DOP1B: variants seen among roughly 807,000 people sequenced by gnomAD.
DOP1B encodes the protein protein DOP1B.
Under a neutral mutation model 233.5 loss-of-function variants are expected in DOP1B, and 174 were observed. The ratio of observed to expected loss-of-function variants is 0.75; its 90% CI spans 0.66 to 0.85. DOP1B has a LOEUF of 0.85. Ranked by LOEUF, DOP1B falls within the 40% of genes least tolerant of loss-of-function variation. The probability of loss-of-function intolerance (pLI) is 0.00; values close to 1 mark genes in which losing one functional copy is unlikely to be tolerated. For missense variants in DOP1B, 2,652 were observed against 2,846.6 expected (o/e 0.93, Z 1.56); for synonymous variants, 1,190 against 1,185.6 (o/e 1.00, Z -0.08).
intron 4 of DOP1B, among the ~76,000 whole-genome samples, chr21:36,201,004 A>C (rs976542484): frequency 2.6e-5 from 4 of 152,032 alleles, no homozygotes; most frequent in Non-Finnish European, 4.4e-5. Flanking sequence ...GAGCCCGGAG[A>C]GATGAGATCC....
intron 26 of DOP1B, among the ~76,000 whole-genome samples, chr21:36,266,375 C>A (rs1419583996): frequency 1.3e-5 from 2 of 152,122 alleles, no homozygotes; most frequent in African/African-American, 4.8e-5. Flanking sequence ...GGGGTTTCAC[C>A]ATGTTGGCCA....
chr21:36,291,067 G>C (rs887373360), intron 35 of DOP1B, among the ~76,000 whole-genome samples: 1 of 151,862 alleles, frequency 6.6e-6, no homozygotes, highest in Non-Finnish European at 1.5e-5. Context: ...TTCAAGACCA[G>C]CCAGGCCAAC....
chr21:36,271,508 G>T (rs542212358), intron 27 of DOP1B, among the ~76,000 whole-genome samples: 5 of 152,026 alleles, frequency 3.3e-5, no homozygotes, highest in Non-Finnish European at 7.3e-5. Flanking sequence ...TTGACCTCAG[G>T]TGATCCACCC....
At chr21:36,179,340 C>T (rs2066068248) in intron 2 of DOP1B, among the ~76,000 whole-genome samples, 2 of 152,188 alleles carry the variant, frequency 1.3e-5, no homozygotes, top group Admixed American at 6.5e-5. Context: ...CCAGTTCTCC[C>T]CCATCCTCTT....
At chr21:36,217,347 A>G (rs975693519) in intron 9 of DOP1B, among the ~76,000 whole-genome samples, 6 of 152,164 alleles carry the variant, frequency 3.9e-5, no homozygotes, top group Non-Finnish European at 8.8e-5. Context: ...AGTGATTTAC[A>G]TACATCCTTT....
At position 36,245,124 on chromosome 21, in the gene DOP1B, C is replaced by G; in HGVS notation, c.3144C>G (p.Ser1048Arg). The G allele has an allele frequency of 6.2e-7, 1 of 1,613,666 alleles. No individual in the cohort carries two copies. The highest frequency in any genetic ancestry group is 1.1e-5 in the South Asian group (1 of 91,076). The change falls in exon 19 of 37, where the codon AGC (serine) becomes AGG (arginine). Residue 1048 changes from serine to arginine, a missense_variant. Coordinates refer to ENST00000691173, the MANE Select transcript of DOP1B (RefSeq NM_001320714.2). This position sits in a 1 kb window ranked among gnomAD's most constrained non-coding sequence, Gnocchi z 5.5. ...EACAVPEPQE[S>R]GSEEHLPLSQ... is the part of the protein sequence containing the mutation. ...GCGCAGTGCCCGAGCCTCAGGAGAG[C>G]GGCTCTGAAGAGCACCTGCCTCTGA...
rs768216243 is a variant in DOP1B, at chr21:36,278,160, C to T, written c.5823-49C>T. 4 of 1,613,520 alleles carry T rather than the reference C, an allele frequency of 2.5e-6. No individual in the cohort carries two copies. In the South Asian group the frequency reaches 4.4e-5, roughly 18 times the overall value. The stretch of plus-strand genomic sequence containing the variant: ...TTCACAAATGAATCAAGTAGTTTTC[C>T]TTGGACAGTCCTTGACCTTGACCCT... On this transcript the variant is annotated intron_variant, in intron 29 of 36. Transcript: ENST00000691173.
At chr21:36,182,828 A>G (rs139037578) in intron 2 of DOP1B, among the ~76,000 whole-genome samples, 6 of 152,296 alleles carry the variant, frequency 3.9e-5, no homozygotes, top group Non-Finnish European at 8.8e-5. Flanking sequence ...GACCTTGTCT[A>G]AAAAAGAAGA....
intron 2 of DOP1B, among the ~76,000 whole-genome samples, chr21:36,187,484 A>G (rs906411131): frequency 2.0e-5 from 3 of 151,866 alleles, no homozygotes; most frequent in Non-Finnish European, 2.9e-5. Context: ...TTTAGTAGAG[A>G]TGGGGTTTCA....
chr21:36,218,804 G>A (rs1601420659), intron 9 of DOP1B, among the ~76,000 whole-genome samples: 1 of 152,194 alleles, frequency 6.6e-6, no homozygotes, highest in Non-Finnish European at 1.5e-5. Flanking sequence ...TTGCAGGGAA[G>A]CTTCTCTAAC....
chr21:36,168,956 A>T, intron 2 of DOP1B: 1 of 695,364 alleles, frequency 1.4e-6, no homozygotes, highest in Non-Finnish European at 2.6e-6. Context: ...CAGGTGCAAA[A>T]CCTGTTCCTG....
chr21:36,212,551 C>A (rs1052095446), intron 7 of DOP1B, among the ~76,000 whole-genome samples: 1 of 152,204 alleles, frequency 6.6e-6, no homozygotes, highest in East Asian at 1.9e-4. Context: ...TCACGAGAGC[C>A]CCTGGGCCAT....
intron 18 of DOP1B, among the ~76,000 whole-genome samples, chr21:36,242,937 T>C (rs1350118786): frequency 1.3e-5 from 2 of 152,098 alleles, no homozygotes; most frequent in Non-Finnish European, 2.9e-5. Flanking sequence ...TTATCTTGTT[T>C]GATCATCCTA....
At chr21:36,266,093 T>C (rs1284116956) in intron 26 of DOP1B, among the ~76,000 whole-genome samples, 1 of 152,200 alleles carries the variant, frequency 6.6e-6, no homozygotes, top group African/African-American at 2.4e-5. Flanking sequence ...AAACTGGGGT[T>C]CTCACTACCC....
intron 32 of DOP1B, among the ~76,000 whole-genome samples, chr21:36,284,353 C>G (rs1021587227): frequency 6.9e-6 from 1 of 144,618 alleles, no homozygotes; most frequent in Admixed American, 7.2e-5. Context: ...TCACTGCAAT[C>G]TCTGCCTCCC....
chr21:36,293,299 A>T, intron 36 of DOP1B, 21 bp from the exon 37 acceptor site: 1 of 1,609,430 alleles, frequency 6.2e-7, no homozygotes, highest in Non-Finnish European at 8.5e-7. Context: ...TATCATTGTT[A>T]TGGGTTTGTT....
At chr21:36,215,003 A>G (rs1013830197) in intron 9 of DOP1B, among the ~76,000 whole-genome samples, 3 of 152,178 alleles carry the variant, frequency 2.0e-5, no homozygotes, top group African/African-American at 7.2e-5. Context: ...TGATTGTACC[A>G]CGGCACTCCA....
At chr21:36,187,733 A>C (rs1158465041) in intron 2 of DOP1B, among the ~76,000 whole-genome samples, 1 of 152,036 alleles carries the variant, frequency 6.6e-6, no homozygotes, top group Non-Finnish European at 1.5e-5. Context: ...TCAGCCTCCC[A>C]AGTAGCTGGG....
intron 13 of DOP1B, among the ~76,000 whole-genome samples, chr21:36,229,727 T>C (rs2066736932): frequency 6.6e-6 from 1 of 150,514 alleles, no homozygotes; most frequent in Non-Finnish European, 1.5e-5. Flanking sequence ...AGTGGCATGA[T>C]TTTGGCTCAC....
Sources: allele counts gnomAD v4.1 joint callset (sites outside exome capture counted in the v4.1 genomes callset), GRCh38; gene constraint gnomAD v4.1.1; non-coding constraint Gnocchi (gnomAD v3.1); transcripts MANE v1.5; gene names NCBI Gene and HGNC (gene_info 2026-07-23, HGNC 2026-07-21).